Variants in CSGALNACT1 observed in about 807,000 individuals in gnomAD.
CSGALNACT1 encodes beta4GalNAcT-1.
In CSGALNACT1, 52 loss-of-function variants were observed where a neutral mutation model predicts 51.0. The ratio of observed to expected loss-of-function variants is 1.02; its 90% CI spans 0.82 to 1.29. The LOEUF is 1.29. CSGALNACT1 is among the 50% of genes most tolerant of loss of function. CSGALNACT1 has a pLI of 0.00. For synonymous variants in CSGALNACT1, 341 were observed against 254.4 expected, an observed-to-expected ratio of 1.34 and a Z score of -3.24; for missense variants, 935 against 679.2, an observed-to-expected ratio of 1.38 and a Z score of -4.19.
At chr8:19,633,620 G>A (rs1266678147) in intron 1 of CSGALNACT1, among the ~76,000 whole-genome samples, 1 of 152,218 alleles carries the variant, frequency 6.6e-6, no homozygotes, top group African/African-American at 2.4e-5. Flanking sequence ...GAAGCTGGGA[G>A]GAGGCAAGGG....
At chr8:19,424,775 C>A (rs1443326856) in intron 6 of CSGALNACT1, among the ~76,000 whole-genome samples, 1 of 152,152 alleles carries the variant, frequency 6.6e-6, no homozygotes, top group Non-Finnish European at 1.5e-5. Flanking sequence ...CATTCAAACA[C>A]AATGACACAC....
intron 3 of CSGALNACT1, among the ~76,000 whole-genome samples, chr8:19,521,784 T>G (rs1438140951): frequency 6.6e-6 from 1 of 152,202 alleles, no homozygotes; most frequent in Non-Finnish European, 1.5e-5. Context: ...AAGTTTGGTT[T>G]CATGGACCTG....
At chr8:19,721,509 C>A (rs1158282848) in intron 1 of CSGALNACT1, among the ~76,000 whole-genome samples, 1 of 152,144 alleles carries the variant, frequency 6.6e-6, no homozygotes, top group Non-Finnish European at 1.5e-5. Context: ...GAGGAATAAT[C>A]ATAAAGCCTG....
intron 1 of CSGALNACT1, among the ~76,000 whole-genome samples, chr8:19,697,196 G>C (rs999788962): frequency 3.9e-5 from 6 of 152,096 alleles, no homozygotes; most frequent in Non-Finnish European, 7.4e-5. Flanking sequence ...TAGCAATGGA[G>C]AGAGATGACC....
intron 4 of CSGALNACT1, among the ~76,000 whole-genome samples, chr8:19,501,348 C>A (rs922448267): frequency 1.3e-5 from 2 of 152,012 alleles, no homozygotes; most frequent in South Asian, 4.1e-4. Context: ...GACAGAGGAG[C>A]CCTCATGGCC....
intron 1 of CSGALNACT1, among the ~76,000 whole-genome samples, chr8:19,616,699 G>C (rs576485398): frequency 2.0e-4 from 30 of 150,440 alleles, no homozygotes; most frequent in Non-Finnish European, 3.8e-4. Flanking sequence ...TCTCTCTCTC[G>C]CTTCTACTCT....
At chr8:19,468,009 A>G (rs2067117639) in intron 4 of CSGALNACT1, among the ~76,000 whole-genome samples, 1 of 152,204 alleles carries the variant, frequency 6.6e-6, no homozygotes, top group South Asian at 2.1e-4. Context: ...AAAAAAGATG[A>G]ACATGATAAA....
chr8:19,586,317 C>T (rs1011430733), intron 3 of CSGALNACT1, among the ~76,000 whole-genome samples: 1 of 151,664 alleles, frequency 6.6e-6, no homozygotes, highest in Non-Finnish European at 1.5e-5. Flanking sequence ...CAAGATCATG[C>T]CACTGCACTC....
rs534281746 is a variant in CSGALNACT1 at position 19,518,703 on chromosome 8, C to T, written c.-296-12573G>A. On this transcript the variant is annotated intron_variant, in intron 3 of 9. Coordinates refer to ENST00000454498, the Ensembl canonical transcript of CSGALNACT1. ...GTCCGTGTCCTCAGTTTTCCTGGTA[C>T]ACCACGAGGAACCCCAGGGTATATA... 6.6e-5 allele frequency among the ~76,000 whole-genome samples: 10 copies of T among 152,290 alleles called. No homozygotes were observed. In the South Asian group the frequency reaches 1.0e-3, roughly 16 times the overall value.
intron 2 of CSGALNACT1, among the ~76,000 whole-genome samples, chr8:19,597,420 A>T (rs1440696778): frequency 6.7e-6 from 1 of 149,020 alleles, no homozygotes; most frequent in African/African-American, 2.5e-5. Flanking sequence ...CTTTGCTCCC[A>T]AGTAGCTGGG....
At chr8:19,441,576 G>T (rs2061337926) in intron 5 of CSGALNACT1, among the ~76,000 whole-genome samples, 1 of 152,136 alleles carries the variant, frequency 6.6e-6, no homozygotes, top group African/African-American at 2.4e-5. Context: ...ATTCAAGATG[G>T]ATTAAAGACT....
chr8:19,487,105 T>A (rs567897980), intron 4 of CSGALNACT1, among the ~76,000 whole-genome samples: 8 of 152,172 alleles, frequency 5.3e-5, no homozygotes, highest in Admixed American at 5.2e-4. Flanking sequence ...TTCTGAAGAA[T>A]TGCCTCAATT....
At chr8:19,600,466 T>C (rs562693183) in intron 2 of CSGALNACT1, among the ~76,000 whole-genome samples, 9 of 152,302 alleles carry the variant, frequency 5.9e-5, no homozygotes, top group African/African-American at 2.2e-4. Context: ...GGGGTTGTAA[T>C]GACATTGCTC....
intron 1 of CSGALNACT1, among the ~76,000 whole-genome samples, chr8:19,642,543 G>A (rs2154177809): frequency 6.6e-6 from 1 of 152,208 alleles, no homozygotes; most frequent in South Asian, 2.1e-4. Flanking sequence ...GGCCAAGGAG[G>A]GTGGATCACT....
At chr8:19,704,703 T>A (rs993393320) in intron 1 of CSGALNACT1, among the ~76,000 whole-genome samples, 1 of 152,140 alleles carries the variant, frequency 6.6e-6, no homozygotes, top group African/African-American at 2.4e-5. Flanking sequence ...GATGGGTGGA[T>A]AAATGGATGG....
chr8:19,555,594 G>C (rs1005540922), intron 3 of CSGALNACT1, among the ~76,000 whole-genome samples: 1 of 152,072 alleles, frequency 6.6e-6, no homozygotes, highest in Non-Finnish European at 1.5e-5. Flanking sequence ...CTTGACACTG[G>C]CTCAACTGGA....
At chr8:19,695,979 T>C (rs2061561623) in intron 1 of CSGALNACT1, among the ~76,000 whole-genome samples, 1 of 152,152 alleles carries the variant, frequency 6.6e-6, no homozygotes, top group African/African-American at 2.4e-5. Context: ...CTTAATCAAA[T>C]AAAAAATGAA....
chr8:19,444,742 CT>C (rs1195264404), intron 5 of CSGALNACT1, among the ~76,000 whole-genome samples: 2 of 152,166 alleles, frequency 1.3e-5, no homozygotes, highest in African/African-American at 4.8e-5. Flanking sequence ...GGTTCTTGCC[CT>C]CATAACACTT....
chr8:19,623,587 G>A (rs2154163591), intron 1 of CSGALNACT1, among the ~76,000 whole-genome samples: 2 of 152,130 alleles, frequency 1.3e-5, no homozygotes, highest in South Asian at 4.1e-4. Context: ...CTACATGCTG[G>A]GCCAGAAAGC....
Sources: allele counts gnomAD v4.1 joint callset (sites outside exome capture counted in the v4.1 genomes callset), GRCh38; gene constraint gnomAD v4.1.1; transcripts MANE v1.5; gene names NCBI Gene and HGNC (gene_info 2026-07-23, HGNC 2026-07-21).